QTGAL: variants seen among roughly 807,000 people sequenced by gnomAD.
QTGAL encodes queuosine-tRNA galactosyltransferase.
At chr17:83,048,756 T>C in the QTGAL span, 24 of 1,613,934 alleles carry the variant, frequency 1.5e-5, no homozygotes, top group Admixed American at 4.0e-4. Flanking sequence ...CCAGCCACGG[T>C]TCAGCGTTGT....
chr17:82,952,712 C>T, the QTGAL span, among the ~76,000 whole-genome samples: 32 of 152,328 alleles, frequency 2.1e-4, no homozygotes, highest in African/African-American at 7.7e-4. Context: ...TAATAGACAT[C>T]TACAGAACTC....
At chr17:82,993,114 T>G in the QTGAL span, among the ~76,000 whole-genome samples, 1 of 152,148 alleles carries the variant, frequency 6.6e-6, no homozygotes, top group Non-Finnish European at 1.5e-5. Context: ...GAGTAAGTCC[T>G]TATTTATCAA....
chr17:83,018,487 C>A, the QTGAL span, among the ~76,000 whole-genome samples: 4 of 152,190 alleles, frequency 2.6e-5, no homozygotes, highest in African/African-American at 4.8e-5. Context: ...TCACACTCTT[C>A]TATGGCTGGA....
the QTGAL span, among the ~76,000 whole-genome samples, chr17:82,970,269 G>A: frequency 1.2e-4 from 18 of 152,348 alleles, no homozygotes; most frequent in Admixed American, 6.5e-4. Flanking sequence ...CACGGGCCCC[G>A]AGGCCCCCTG....
At chr17:83,041,676 G>A in the QTGAL span, among the ~76,000 whole-genome samples, 1 of 152,194 alleles carries the variant, frequency 6.6e-6, no homozygotes, top group African/African-American at 2.4e-5. Flanking sequence ...ATGCTTGGGG[G>A]CCTGGGAGCT....
the QTGAL span, among the ~76,000 whole-genome samples, chr17:82,946,569 A>AGTGTGTGTGTGTGTATGTGT: frequency 1.3e-5 from 2 of 150,192 alleles, no homozygotes; most frequent in Non-Finnish European, 3.0e-5. Flanking sequence ...ACAGAACCCA[A>AGTGTGTGTGTGTGTATGTGT]GTGTGTGTGT....
At chr17:82,960,756 A>G in the QTGAL span, among the ~76,000 whole-genome samples, 1 of 152,234 alleles carries the variant, frequency 6.6e-6, no homozygotes, top group Non-Finnish European at 1.5e-5. Flanking sequence ...GTCGGGTTAA[A>G]GGGAGCACAG....
the QTGAL span, chr17:83,006,188 G>A: frequency 3.0e-6 from 3 of 986,018 alleles, no homozygotes; most frequent in East Asian, 1.1e-4. This position sits in a 1 kb window ranked among gnomAD's most constrained non-coding sequence, Gnocchi z 5.8. Context: ...TGTAACTGTG[G>A]TCCAAAGAGT....
At chr17:82,985,809 C>T in the QTGAL span, among the ~76,000 whole-genome samples, 125,937 of 152,148 alleles carry the variant, frequency 0.83, 52,616 homozygotes, top group African/African-American at 0.95. Context: ...AGAGGCCTTA[C>T]GAGGTTTTCC....
At chr17:82,998,001 C>A in the QTGAL span, among the ~76,000 whole-genome samples, 5 of 147,236 alleles carry the variant, frequency 3.4e-5, no homozygotes, top group Middle Eastern at 3.6e-3. Flanking sequence ...AGATATATAT[C>A]TAGATATATA....
chr17:83,035,673 T>C, the QTGAL span, among the ~76,000 whole-genome samples: 2 of 152,100 alleles, frequency 1.3e-5, no homozygotes, highest in Non-Finnish European at 2.9e-5. Context: ...AAAAATGAGA[T>C]GGACCTTTAC....
the QTGAL span, chr17:82,942,366 G>A: frequency 1.8e-5 from 29 of 1,589,308 alleles, no homozygotes; most frequent in African/African-American, 1.3e-5. Flanking sequence ...CCCCACACAG[G>A]GCCCAGAGGG....
At chr17:82,958,047 C>A in the QTGAL span, among the ~76,000 whole-genome samples, 260 of 152,232 alleles carry the variant, frequency 1.7e-3, 3 homozygotes, top group Middle Eastern at 0.01. Context: ...CCAGCCCCAT[C>A]GCTGCCCGGG....
the QTGAL span, among the ~76,000 whole-genome samples, chr17:83,044,004 A>C: frequency 6.6e-6 from 1 of 152,186 alleles, no homozygotes; most frequent in South Asian, 2.1e-4. Flanking sequence ...AATAAAAAAA[A>C]CAAAAACTCC....
the QTGAL span, among the ~76,000 whole-genome samples, chr17:83,027,271 C>G: frequency 6.6e-6 from 1 of 152,220 alleles, no homozygotes; most frequent in Non-Finnish European, 1.5e-5. Context: ...CAGCACAATT[C>G]CATGGAGAAA....
At chr17:83,034,303 T>G in the QTGAL span, among the ~76,000 whole-genome samples, 85 of 152,366 alleles carry the variant, frequency 5.6e-4, no homozygotes, top group East Asian at 0.015. Context: ...TTAAGTACCA[T>G]ATTTTCCGAT....
chr17:82,989,436 T>C, the QTGAL span, among the ~76,000 whole-genome samples: 2 of 147,044 alleles, frequency 1.4e-5, no homozygotes, highest in Non-Finnish European at 3.0e-5. Flanking sequence ...CAAACCACCA[T>C]GGCACAGGTT....
chr17:82,979,240 G>A, the QTGAL span: 1 of 152,146 alleles, frequency 6.6e-6, no homozygotes, highest in Non-Finnish European at 1.5e-5. Flanking sequence ...AAAAAAGTGA[G>A]AGGACCCAAA....
chr17:83,043,018 C>T, the QTGAL span, among the ~76,000 whole-genome samples: 1 of 152,168 alleles, frequency 6.6e-6, no homozygotes, highest in African/African-American at 2.4e-5. Context: ...ACAAGAGGGT[C>T]ACAAAATTAA....
Sources: gnomAD v4.1 joint callset for allele counts (sites outside exome capture counted in the v4.1 genomes callset) on GRCh38, gnomAD v4.1.1 for gene constraint, Gnocchi (gnomAD v3.1) non-coding constraint, MANE v1.5 for transcripts, NCBI Gene and HGNC (gene_info 2026-07-23, HGNC 2026-07-21) for gene names.